The following CORO2A variants were observed in gnomAD, a reference collection of about 807,000 sequenced individuals.
CORO2A encodes the protein coronin-2A.
Under a neutral mutation model 62.4 loss-of-function variants are expected in CORO2A, and 47 were observed. The ratio of observed to expected loss-of-function variants is 0.75; its 90% CI spans 0.60 to 0.96. CORO2A has a LOEUF of 0.96. Ranked by LOEUF, CORO2A falls within the 40% of genes least tolerant of loss-of-function variation. CORO2A has a pLI of 0.00. For missense variants in CORO2A, 610 were observed against 684.1 expected, an observed-to-expected ratio of 0.89 and a Z score of 1.21; for synonymous variants, 273 against 268.9, an observed-to-expected ratio of 1.02 and a Z score of -0.15.
intron 1 of CORO2A, among the ~76,000 whole-genome samples, chr9:98,169,781 G>A (rs376234232): frequency 5.3e-5 from 8 of 152,306 alleles, no homozygotes; most frequent in African/African-American, 1.9e-4. Context: ...CTTTGCTCAT[G>A]CCCCTTCCCT....
chr9:98,156,819 G>A (rs980122675), intron 2 of CORO2A, among the ~76,000 whole-genome samples: 6 of 152,124 alleles, frequency 3.9e-5, no homozygotes, highest in African/African-American at 1.4e-4. Context: ...CTCTGGAGAG[G>A]CTTCATGTCA....
At chr9:98,147,210 A>G (rs1170625062) in intron 2 of CORO2A, among the ~76,000 whole-genome samples, 1 of 152,122 alleles carries the variant, frequency 6.6e-6, no homozygotes, top group Non-Finnish European at 1.5e-5. Flanking sequence ...GTATGAGGCA[A>G]CCAGGGACCA....
intron 2 of CORO2A, among the ~76,000 whole-genome samples, chr9:98,141,111 G>A (rs186871823): frequency 1.3e-5 from 2 of 152,046 alleles, no homozygotes; most frequent in African/African-American, 4.8e-5. Context: ...CATTCAGAGG[G>A]AGAAAGAGAA....
intron 2 of CORO2A, among the ~76,000 whole-genome samples, chr9:98,140,066 T>G (rs1258755031): frequency 1.3e-5 from 2 of 152,030 alleles, no homozygotes; most frequent in Admixed American, 1.3e-4. Context: ...ATTTTGCACA[T>G]CACATTGCAT....
chr9:98,157,851 A>G (rs562402579), intron 1 of CORO2A, among the ~76,000 whole-genome samples, 191 bp from the exon 2 acceptor site: 28 of 152,312 alleles, frequency 1.8e-4, no homozygotes, highest in African/African-American at 6.7e-4. Context: ...AGACCTGGTA[A>G]GATAAGATGG....
chr9:98,160,939 C>G (rs1391196259), intron 1 of CORO2A, among the ~76,000 whole-genome samples: 1 of 152,130 alleles, frequency 6.6e-6, no homozygotes. Flanking sequence ...CGTCCTTGGC[C>G]AAAGGGATGA....
chr9:98,137,471 T>A, intron 3 of CORO2A, 101 bp downstream of exon 3: 1 of 925,024 alleles, frequency 1.1e-6, no homozygotes, highest in South Asian at 1.3e-5. Flanking sequence ...ACCTCCGCGA[T>A]GGAGTCAGGG....
intron 1 of CORO2A, among the ~76,000 whole-genome samples, chr9:98,162,168 G>C (rs531657679): frequency 1.7e-4 from 26 of 152,314 alleles, no homozygotes; most frequent in Middle Eastern, 3.4e-3. Context: ...AGCAGGCCTG[G>C]GGGCTGCACT....
intron 1 of CORO2A, among the ~76,000 whole-genome samples, chr9:98,171,947 T>C (rs570858894): frequency 4.6e-5 from 7 of 152,178 alleles, no homozygotes; most frequent in African/African-American, 1.4e-4. Flanking sequence ...AGTCAGGACA[T>C]TGAGCCTGGG....
chr9:98,142,834 C>CCCCTG (rs965873553), intron 2 of CORO2A, among the ~76,000 whole-genome samples: 3 of 136,682 alleles, frequency 2.2e-5, no homozygotes, highest in South Asian at 2.4e-4. Flanking sequence ...CGCCCCACCT[C>CCCCTG]CCCTGCCCTG....
chr9:98,188,712 GTGAGCCGGGATCA>G (rs1404018440), intron 1 of CORO2A, among the ~76,000 whole-genome samples: 16 of 152,292 alleles, frequency 1.1e-4, no homozygotes, highest in Non-Finnish European at 1.9e-4. Context: ...GGAGGTTGCC[GTGAGCCGGGATCA>G]TGCCACTGCA....
intron 5 of CORO2A, 128 bp from the exon 6 acceptor site, chr9:98,132,429 T>C: frequency 2.9e-6 from 2 of 678,836 alleles, no homozygotes; most frequent in Admixed American, 4.8e-5. Context: ...ACCCCAGCTC[T>C]GCCTGGAGAT....
intron 2 of CORO2A, among the ~76,000 whole-genome samples, chr9:98,140,650 G>T (rs983928317): frequency 6.6e-6 from 1 of 152,076 alleles, no homozygotes; most frequent in African/African-American, 2.4e-5. Context: ...TTGCTATGTT[G>T]CCCAGGCTGG....
rs1827262403 is a variant in CORO2A at position 98,122,939 on chromosome 9, T to C, written c.*1835A>G. 1 of 152,268 alleles carries C rather than the reference T, an allele frequency of 6.6e-6. No homozygotes were observed. Among genetic ancestry groups the C allele is most frequent in the African/African-American group, 2.4e-5 (1 of 41,454 alleles). The allele number at this position is 152,268 out of a possible 1,614,324, so 9.4% of individuals were successfully genotyped here. A position where few individuals can be genotyped will look rare whatever the true frequency, so the allele number is the denominator to read the frequency against. On this transcript the variant is annotated 3_prime_UTR_variant, in exon 12 of 12. Coordinates refer to ENST00000375077, the MANE Select transcript of CORO2A (RefSeq NM_052820.4). ...GGTTGGTTTTGACCACCTGCCTGTG[T>C]TGTAGAATTGGGTTGAATGCCTCTG...
chr9:98,133,281 T>C, intron 4 of CORO2A, 64 bp from the exon 5 acceptor site: 1 of 1,525,446 alleles, frequency 6.6e-7, no homozygotes, highest in Non-Finnish European at 9.0e-7. Flanking sequence ...CATAGTTACA[T>C]GCTGGCCAGG....
chr9:98,191,617 A>G (rs942746482), intron 1 of CORO2A, among the ~76,000 whole-genome samples: 2 of 152,180 alleles, frequency 1.3e-5, no homozygotes. Flanking sequence ...AGGGGGCAGC[A>G]AGACCTTCCA....
At chr9:98,139,813 C>T (rs1284096399) in intron 2 of CORO2A, among the ~76,000 whole-genome samples, 8 of 152,216 alleles carry the variant, frequency 5.3e-5, no homozygotes, top group Admixed American at 4.6e-4. Flanking sequence ...AAACAAAACA[C>T]GGTGAATTTT....
rs941845544 is a variant in CORO2A, at chr9:98,123,000, C to T, written c.*1774G>A. The stretch of plus-strand genomic sequence containing the variant: ...AGTGTCCGTTAGTTTCTGTAGCAAA[C>T]CCAGATCACCCCACAGGTAGTTTTC... On this transcript the variant is annotated 3_prime_UTR_variant, in exon 12 of 12. Transcript: ENST00000375077. 1 of 152,232 alleles carries T rather than the reference C, an allele frequency of 6.6e-6. No individual in the cohort carries two copies. Among genetic ancestry groups the T allele is most frequent in the African/African-American group, 2.4e-5 (1 of 41,436 alleles). 9.4% of individuals were successfully genotyped at this position (152,232 alleles called of 1,614,324 possible).
At chr9:98,137,737 A>T in intron 2 of CORO2A, 49 bp from the exon 3 acceptor site, 1 of 1,352,410 alleles carries the variant, frequency 7.4e-7, no homozygotes, top group Non-Finnish European at 1.1e-6. Flanking sequence ...ATTCCACATT[A>T]GCATCTGGAC....
Sources: allele counts gnomAD v4.1 joint callset (sites outside exome capture counted in the v4.1 genomes callset), GRCh38; gene constraint gnomAD v4.1.1; transcripts MANE v1.5; gene names NCBI Gene and HGNC (gene_info 2026-07-23, HGNC 2026-07-21).